The following TIAM1 variants were observed in gnomAD, a reference collection of about 807,000 sequenced individuals.
TIAM1 encodes TIAM Rac1 associated GEF 1, also known as rho guanine nucleotide exchange factor TIAM1.
A neutral mutation model predicts 163.5 loss-of-function variants in TIAM1; 65 were observed. That is an observed-to-expected ratio of 0.40 (90% CI 0.33 to 0.49). The LOEUF is 0.49. Ranked by LOEUF, TIAM1 falls within the 20% of genes least tolerant of loss-of-function variation. The probability of loss-of-function intolerance (pLI) is 0.77; values close to 1 mark genes in which losing one functional copy is unlikely to be tolerated. For missense variants in TIAM1, 1,789 were observed against 2,044.7 expected, an observed-to-expected ratio of 0.87 and a Z score of 2.41; for synonymous variants, 833 against 810.1, an observed-to-expected ratio of 1.03 and a Z score of -0.48.
intron 19 of TIAM1, among the ~76,000 whole-genome samples, chr21:31,147,857 G>C (rs1489562128): frequency 2.8e-5 from 4 of 145,454 alleles, no homozygotes; most frequent in African/African-American, 1.0e-4. Flanking sequence ...TGTTTAGAGA[G>C]GGACCTTATT....
rs913842620 is a variant in TIAM1 at position 31,141,864 on chromosome 21, C to T, written c.3476-360G>A. Among the ~76,000 whole-genome samples, 4 of 152,056 alleles carry T rather than the reference C, an allele frequency of 2.6e-5. No homozygotes were observed. The highest frequency in any genetic ancestry group is 4.4e-5 in the Non-Finnish European group (3 of 68,014). On this transcript the variant is annotated intron_variant, in intron 20 of 27. Coordinates refer to ENST00000541036, the MANE Select transcript of TIAM1 (RefSeq NM_001353694.2). The surrounding 1 kb of genome is among the most constrained non-coding windows in gnomAD (Gnocchi z 4.7). ...CTTACTGTCCATGGGGAGACTGCCC[C>T]GCCCACGCTGGCCAGTTCCTGGAGA...
chr21:31,484,141 A>G (rs2284529), intron 1 of TIAM1, among the ~76,000 whole-genome samples: 14,232 of 152,160 alleles, frequency 0.094, 919 homozygotes, highest in East Asian at 0.14. Context: ...CCAGACACAA[A>G]TCTGCTGGCT....
chr21:31,179,977 C>T (rs975665957), intron 15 of TIAM1, among the ~76,000 whole-genome samples: 6 of 148,986 alleles, frequency 4.0e-5, no homozygotes, highest in Non-Finnish European at 8.9e-5. Flanking sequence ...GCAATCTCAG[C>T]TCACTGCAAC....
chr21:31,338,586 C>T (rs915134612), intron 2 of TIAM1, among the ~76,000 whole-genome samples: 1 of 152,126 alleles, frequency 6.6e-6, no homozygotes, highest in African/African-American at 2.4e-5. Context: ...ACTGAAGTAC[C>T]CACAGCCCTT....
chr21:31,262,954 T>A (rs1601748033), intron 4 of TIAM1, among the ~76,000 whole-genome samples: 1 of 152,132 alleles, frequency 6.6e-6, no homozygotes, highest in Non-Finnish European at 1.5e-5. Context: ...GAAAAAAATT[T>A]TTTTTTAAAA....
chr21:31,160,763 C>T (rs1376712204), intron 16 of TIAM1: 1 of 359,868 alleles, frequency 2.8e-6, no homozygotes, highest in Admixed American at 4.7e-5. Context: ...CCCACCAGTG[C>T]CCTCTGGGAA....
intron 2 of TIAM1, among the ~76,000 whole-genome samples, chr21:31,433,431 G>A (rs2044109051): frequency 6.6e-6 from 1 of 152,194 alleles, no homozygotes; most frequent in Admixed American, 6.6e-5. Context: ...TATGCCATTT[G>A]CAGATACAAC....
At chr21:31,154,483 C>A (rs1282219065) in intron 16 of TIAM1, 57 bp from the exon 17 acceptor site, 3 of 1,569,822 alleles carry the variant, frequency 1.9e-6, no homozygotes, top group South Asian at 1.1e-5. Flanking sequence ...TTAGACGCAC[C>A]TGACACCTGG....
chr21:31,266,896 G>C lies in TIAM1; in HGVS notation c.77C>G (p.Thr26Ser). ...EKHASLGRKH[T>S]SRSLRLSHKT... ...GTGCGAGAGGCGCAGGGAGCGGGAA[G>C]TGTGCTTGCGCCCCAGGCTGGCATG... The change falls in exon 4 of 28, where the codon ACT becomes AGT. Residue 26 changes from threonine (T) to serine (S), a missense_variant. By Grantham distance (58) the Thr-to-Ser change is moderately conservative. Around this residue, in one of 5 missense-constraint regions of TIAM1, gnomAD observed 555 missense variants for 564.9 expected, o/e 0.98. Transcript: ENST00000541036. 1 of 1,613,802 alleles carries C rather than the reference G, an allele frequency of 6.2e-7. No homozygotes were observed. Among genetic ancestry groups the C allele is most frequent in the South Asian group, 1.1e-5 (1 of 91,082 alleles).
intron 27 of TIAM1, among the ~76,000 whole-genome samples, chr21:31,122,759 T>A (rs2082049574): frequency 6.6e-6 from 1 of 152,172 alleles, no homozygotes; most frequent in African/African-American, 2.4e-5. Flanking sequence ...ACTACCTGAG[T>A]ATTCAAGACA....
chr21:31,314,848 G>A (rs186026003), intron 2 of TIAM1, among the ~76,000 whole-genome samples: 15 of 152,250 alleles, frequency 9.9e-5, no homozygotes, highest in African/African-American at 3.6e-4. Context: ...CTTAGCACAC[G>A]ATCCCTGGAG....
intron 2 of TIAM1, among the ~76,000 whole-genome samples, chr21:31,402,126 T>C (rs1223250217): frequency 1.3e-5 from 2 of 151,808 alleles, no homozygotes; most frequent in African/African-American, 4.8e-5. Flanking sequence ...GGCAGGAGAA[T>C]CGCTTGAACC....
intron 2 of TIAM1, among the ~76,000 whole-genome samples, chr21:31,438,768 GGGAAA>G (rs762465988): frequency 1.8e-4 from 27 of 152,238 alleles, no homozygotes; most frequent in Admixed American, 5.9e-4. Flanking sequence ...CATTGTCACA[GGGAAA>G]GAGAGAAGTT....
At chr21:31,270,213 C>T (rs537959163) in intron 3 of TIAM1, among the ~76,000 whole-genome samples, 9 of 152,162 alleles carry the variant, frequency 5.9e-5, no homozygotes, top group South Asian at 4.1e-4. Flanking sequence ...AAATATTCCA[C>T]GCACGATAAA....
In TIAM1 at chr21:31,147,003, T is replaced by G; in HGVS notation, c.3367A>C (p.Lys1123Gln). ...EKLEKVDQFK[K>Q]VLFSLGGSFL... ...GATCCCCCCAGAGAGAACAGCACTT[T>G]CTGGATTTGACGAGAAAAGGCACAG... Residue 1123 changes from lysine (K) to glutamine (Q), a missense_variant and splice_region_variant, in exon 20 of 28, where the codon AAA becomes CAA. Transcript: ENST00000541036. 1 of 1,612,986 alleles carries G rather than the reference T, an allele frequency of 6.2e-7. No individual in the cohort carries two copies. The highest frequency in any genetic ancestry group is 8.5e-7 in the Non-Finnish European group (1 of 1,179,104).
chr21:31,508,614 T>C (rs1331465078), intron 1 of TIAM1, among the ~76,000 whole-genome samples: 1 of 152,122 alleles, frequency 6.6e-6, no homozygotes, highest in Non-Finnish European at 1.5e-5. Context: ...GGTCTCAAAC[T>C]CCTGACCTCA....
intron 1 of TIAM1, among the ~76,000 whole-genome samples, chr21:31,339,725 G>A (rs1039318204): frequency 2.0e-5 from 3 of 152,144 alleles, no homozygotes; most frequent in Admixed American, 2.0e-4. Flanking sequence ...AGGTACTAGA[G>A]GAAGCTCTAC....
chr21:31,299,269 C>T (rs186931569), intron 2 of TIAM1, among the ~76,000 whole-genome samples: 1 of 152,280 alleles, frequency 6.6e-6, no homozygotes, highest in East Asian at 1.9e-4. Flanking sequence ...ATGCCCCTCC[C>T]CTATGCCTTT....
chr21:31,323,766 G>A (rs2075394132), intron 2 of TIAM1, among the ~76,000 whole-genome samples: 1 of 152,184 alleles, frequency 6.6e-6, no homozygotes, highest in South Asian at 2.1e-4. Context: ...GGGAGGCAGA[G>A]GTTGCAGTGA....
Sources: allele counts gnomAD v4.1 joint callset (sites outside exome capture counted in the v4.1 genomes callset), GRCh38; gene constraint gnomAD v4.1.1; regional missense constraint gnomAD v4.1.1; non-coding constraint Gnocchi (gnomAD v3.1); transcripts MANE v1.5; gene names NCBI Gene and HGNC (gene_info 2026-07-23, HGNC 2026-07-21).